Variants in ZFPM2 observed in about 807,000 individuals in gnomAD.
ZFPM2 encodes the protein zinc finger protein ZFPM2.
ZFPM2 carries 20 observed loss-of-function variants against 98.6 expected under a neutral mutation model. The observed-to-expected ratio is 0.20, with a 90% CI of 0.14 to 0.29. The LOEUF (loss-of-function observed/expected upper bound fraction) is 0.29. Among genes scored for constraint, ZFPM2 ranks in the 10% least tolerant of loss-of-function variants. ZFPM2 has a pLI of 1.00. For missense variants in ZFPM2, 1,310 were observed against 1,388.6 expected (o/e 0.94, Z 0.90); for synonymous variants, 518 against 502.7 (o/e 1.03, Z -0.41).
chr8:105,622,452 G>T (rs574940361), intron 4 of ZFPM2, among the ~76,000 whole-genome samples: 1 of 152,164 alleles, frequency 6.6e-6, no homozygotes, highest in East Asian at 1.9e-4. Context: ...AAAATTTCAG[G>T]TTTACAATGA....
chr8:105,463,662 G>A (rs1437192703), intron 3 of ZFPM2, among the ~76,000 whole-genome samples: 1 of 152,046 alleles, frequency 6.6e-6, no homozygotes, highest in East Asian at 1.9e-4. Flanking sequence ...TGGGTGAAGT[G>A]AAAAGTGTCT....
At chr8:105,672,959 C>T (rs1351638504) in intron 5 of ZFPM2, among the ~76,000 whole-genome samples, 1 of 152,138 alleles carries the variant, frequency 6.6e-6, no homozygotes, top group Non-Finnish European at 1.5e-5. Context: ...GGATTGCTGT[C>T]ATCCAGATAA....
intron 1 of ZFPM2, among the ~76,000 whole-genome samples, chr8:105,370,248 A>G (rs1810592270): frequency 6.6e-6 from 1 of 152,210 alleles, no homozygotes; most frequent in Non-Finnish European, 1.5e-5. Flanking sequence ...AAAAGATAGC[A>G]TACGTAAATT....
At chr8:105,351,532 T>C (rs1414299261) in intron 1 of ZFPM2, among the ~76,000 whole-genome samples, 1 of 152,170 alleles carries the variant, frequency 6.6e-6, no homozygotes, top group Non-Finnish European at 1.5e-5. Context: ...TAAAAGATCC[T>C]GACTCAGAAT....
chr8:105,710,406 G>C (rs1365702112), intron 5 of ZFPM2, among the ~76,000 whole-genome samples: 1 of 152,008 alleles, frequency 6.6e-6, no homozygotes, highest in Non-Finnish European at 1.5e-5. Flanking sequence ...TATCACTTCT[G>C]CCTAGATTTC....
intron 4 of ZFPM2, among the ~76,000 whole-genome samples, chr8:105,591,611 A>G (rs1432803919): frequency 1.3e-5 from 2 of 152,202 alleles, no homozygotes; most frequent in African/African-American, 4.8e-5. Context: ...AATACTTGAT[A>G]AGCTTCAGAA....
chr8:105,683,833 A>G (rs1387159353), intron 5 of ZFPM2, among the ~76,000 whole-genome samples: 2 of 152,148 alleles, frequency 1.3e-5, no homozygotes, highest in African/African-American at 4.8e-5. Flanking sequence ...ATTCTACCCA[A>G]TTCGTGTGTT....
intron 1 of ZFPM2, among the ~76,000 whole-genome samples, chr8:105,381,590 T>C (rs1810890976): frequency 6.6e-6 from 1 of 152,120 alleles, no homozygotes; most frequent in Non-Finnish European, 1.5e-5. Context: ...AGTTCCCTCA[T>C]TGCAGTGGGT....
intron 6 of ZFPM2, among the ~76,000 whole-genome samples, chr8:105,792,741 A>C (rs1464893944): frequency 6.6e-6 from 1 of 152,148 alleles, no homozygotes; most frequent in Non-Finnish European, 1.5e-5. Flanking sequence ...TAGGTCACTC[A>C]CGACTTGCTT....
intron 4 of ZFPM2, among the ~76,000 whole-genome samples, chr8:105,609,375 A>G (rs1816260163): frequency 6.6e-6 from 1 of 152,136 alleles, no homozygotes; most frequent in South Asian, 2.1e-4. Flanking sequence ...TGGAGAGGAC[A>G]AGTGGAAACT....
intron 3 of ZFPM2, among the ~76,000 whole-genome samples, chr8:105,486,511 C>T (rs1302231698): frequency 6.6e-6 from 1 of 152,062 alleles, no homozygotes; most frequent in Non-Finnish European, 1.5e-5. Flanking sequence ...GTCTTGATAA[C>T]TGTCCTAGGT....
At chr8:105,722,635 C>T (rs993567289) in intron 5 of ZFPM2, among the ~76,000 whole-genome samples, 3 of 151,734 alleles carry the variant, frequency 2.0e-5, no homozygotes, top group African/African-American at 7.3e-5. Flanking sequence ...AATACACTTG[C>T]TATTCATTTA....
chr8:105,503,325 A>G (rs1270869197), intron 3 of ZFPM2, among the ~76,000 whole-genome samples: 1 of 152,198 alleles, frequency 6.6e-6, no homozygotes, highest in Non-Finnish European at 1.5e-5. Context: ...AATGGTCCAG[A>G]AATAACTGAA....
At chr8:105,783,607 C>A (rs1246842721) in intron 5 of ZFPM2, among the ~76,000 whole-genome samples, 1 of 152,096 alleles carries the variant, frequency 6.6e-6, no homozygotes, top group East Asian at 1.9e-4. Flanking sequence ...ATTTGGGATA[C>A]CTTAAGTACT....
chr8:105,605,609 A>G (rs7464830), intron 4 of ZFPM2, among the ~76,000 whole-genome samples: 16,403 of 152,090 alleles, frequency 0.11, 1,072 homozygotes, highest in South Asian at 0.21. Context: ...GAAAAAGTAT[A>G]TTTTAGTATA....
chr8:105,428,835 G>C (rs945608232), intron 2 of ZFPM2, among the ~76,000 whole-genome samples: 1 of 152,172 alleles, frequency 6.6e-6, no homozygotes, highest in African/African-American at 2.4e-5. Context: ...GATGGTAAGA[G>C]TGGAAGTGAG....
rs114849959 is a variant in ZFPM2, at chr8:105,513,996, G to A, written c.302-47367G>A. On this transcript the variant is annotated intron_variant, in intron 3 of 7. Transcript: ENST00000407775. ...ACAAAGATTTGAAATTAGTAGGTCCGGAGTGTCTTTTTTTTTTTTTTCCCA... is the reference window on the plus strand; with the variant it reads ...ACAAAGATTTGAAATTAGTAGGTCCAGAGTGTCTTTTTTTTTTTTTTCCCA... Among the ~76,000 whole-genome samples, 556 of 134,774 alleles carry A rather than the reference G, an allele frequency of 4.1e-3. 5 individuals carry two copies. The highest frequency in any genetic ancestry group is 0.017 in the African/African-American group (512 of 29,818). The allele number at this position is 134,774 out of a possible 152,430, so 88.4% of individuals were successfully genotyped here.
At chr8:105,755,146 G>A (rs1812569468) in intron 5 of ZFPM2, among the ~76,000 whole-genome samples, 1 of 151,992 alleles carries the variant, frequency 6.6e-6, no homozygotes, top group Admixed American at 6.6e-5. Flanking sequence ...GATTTTCTAG[G>A]AAGTAAAAAT....
At chr8:105,766,954 A>C (rs1470152938) in intron 5 of ZFPM2, among the ~76,000 whole-genome samples, 1 of 151,936 alleles carries the variant, frequency 6.6e-6, no homozygotes, top group Non-Finnish European at 1.5e-5. Context: ...ATAGTCAAGC[A>C]AATTATGAAA....
Sources: gnomAD v4.1 joint callset for allele counts (sites outside exome capture counted in the v4.1 genomes callset) on GRCh38, gnomAD v4.1.1 for gene constraint, MANE v1.5 for transcripts, NCBI Gene and HGNC (gene_info 2026-07-23, HGNC 2026-07-21) for gene names.